The following CPQ variants were observed in gnomAD, a reference collection of about 807,000 sequenced individuals.
The protein encoded by CPQ is Ser-Met dipeptidase.
CPQ carries 37 observed loss-of-function variants against 45.7 expected under a neutral mutation model. That is an observed-to-expected ratio of 0.81 (90% CI 0.62 to 1.07). CPQ has a LOEUF of 1.07. Ranked by LOEUF, CPQ falls within the 50% of genes least tolerant of loss-of-function variation. The pLI, the probability that CPQ is intolerant of heterozygous loss-of-function variation, is 0.00. For synonymous variants in CPQ, 186 were observed against 205.8 expected (o/e 0.90, Z 0.82); for missense variants, 537 against 572.9 (o/e 0.94, Z 0.64).
At chr8:96,835,660 C>G (rs1249646491) in intron 3 of CPQ, among the ~76,000 whole-genome samples, 3 of 152,134 alleles carry the variant, frequency 2.0e-5, no homozygotes, top group Non-Finnish European at 4.4e-5. Flanking sequence ...TGGCTCTGCT[C>G]CCAAACAACT....
chr8:97,090,292 A>G (rs1811107003), intron 7 of CPQ, among the ~76,000 whole-genome samples: 2 of 152,170 alleles, frequency 1.3e-5, no homozygotes, highest in South Asian at 4.1e-4. Flanking sequence ...CATAATTCCA[A>G]TGCTCTGACA....
At chr8:97,141,729 C>G (rs1812168797) in intron 7 of CPQ, among the ~76,000 whole-genome samples, 1 of 152,090 alleles carries the variant, frequency 6.6e-6, no homozygotes, top group Non-Finnish European at 1.5e-5. Flanking sequence ...CCTAAATGAC[C>G]ATTGTTGGTA....
intron 3 of CPQ, among the ~76,000 whole-genome samples, chr8:96,848,113 A>G (rs1034134461): frequency 6.6e-6 from 1 of 152,084 alleles, no homozygotes; most frequent in Admixed American, 6.5e-5. Context: ...AGCTCAGTGA[A>G]TGTCTGTTGC....
chr8:96,808,133 GT>G (rs1352322214), intron 2 of CPQ, among the ~76,000 whole-genome samples: 5 of 152,076 alleles, frequency 3.3e-5, no homozygotes, highest in Non-Finnish European at 2.9e-5. Context: ...ATTCTATTTA[GT>G]TTTTACCAAA....
intron 6 of CPQ, among the ~76,000 whole-genome samples, chr8:97,042,578 A>G (rs1001639689): frequency 6.6e-6 from 1 of 151,112 alleles, no homozygotes; most frequent in African/African-American, 2.4e-5. Flanking sequence ...TTGTGATGTT[A>G]GGGTGTCAAT....
At chr8:96,807,703 A>G (rs1008815019) in intron 2 of CPQ, among the ~76,000 whole-genome samples, 1 of 152,140 alleles carries the variant, frequency 6.6e-6, no homozygotes, top group African/African-American at 2.4e-5. Context: ...TTTTCTTCTA[A>G]AGAAACTTTT....
chr8:96,886,844 A>C (rs182543555), intron 4 of CPQ, among the ~76,000 whole-genome samples: 1 of 152,170 alleles, frequency 6.6e-6, no homozygotes, highest in African/African-American at 2.4e-5. Flanking sequence ...CCTTTCTCTC[A>C]TGCTTTTTCT....
intron 4 of CPQ, among the ~76,000 whole-genome samples, chr8:96,912,716 G>T (rs1364856316): frequency 1.3e-5 from 2 of 152,140 alleles, no homozygotes; most frequent in South Asian, 4.1e-4. Context: ...TACCTCGAAG[G>T]AGTATTAAGA....
chr8:96,675,377 G>T (rs1270045067), intron 1 of CPQ, among the ~76,000 whole-genome samples: 1 of 151,994 alleles, frequency 6.6e-6, no homozygotes, highest in East Asian at 1.9e-4. Flanking sequence ...TGTATGTAGA[G>T]AGCTACTTCT....
chr8:96,694,259 A>T (rs973644304), intron 1 of CPQ, among the ~76,000 whole-genome samples: 1 of 152,088 alleles, frequency 6.6e-6, no homozygotes, highest in Non-Finnish European at 1.5e-5. Context: ...CAGGCATAAG[A>T]CCTTACTTAT....
At chr8:96,698,197 A>T (rs563944979) in intron 1 of CPQ, among the ~76,000 whole-genome samples, 3 of 152,156 alleles carry the variant, frequency 2.0e-5, no homozygotes, top group Non-Finnish European at 4.4e-5. Flanking sequence ...AAATCTATAC[A>T]TCTATGGTGA....
At chr8:96,875,374 G>A (rs1812131669) in intron 3 of CPQ, among the ~76,000 whole-genome samples, 1 of 151,822 alleles carries the variant, frequency 6.6e-6, no homozygotes, top group South Asian at 2.1e-4. Context: ...TGATTTTGGT[G>A]TTGTCTCTAA....
intron 5 of CPQ, among the ~76,000 whole-genome samples, chr8:97,023,972 G>T (rs140351505): frequency 3.2e-4 from 48 of 152,284 alleles, no homozygotes; most frequent in African/African-American, 1.0e-3. Flanking sequence ...GGGTGACAAG[G>T]TTACAACTCT....
chr8:96,726,232 A>G (rs552146953), intron 1 of CPQ, among the ~76,000 whole-genome samples: 59 of 152,084 alleles, frequency 3.9e-4, no homozygotes, highest in African/African-American at 1.4e-3. Context: ...TAAAAGAAGA[A>G]ATTATAGAAA....
intron 2 of CPQ, among the ~76,000 whole-genome samples, chr8:96,824,119 T>C (rs942089799): frequency 4.6e-5 from 7 of 152,040 alleles, no homozygotes; most frequent in Non-Finnish European, 8.8e-5. Context: ...AGATAAAATG[T>C]ATGGATGAAT....
intron 4 of CPQ, among the ~76,000 whole-genome samples, chr8:96,926,333 T>G (rs972621088): frequency 6.6e-6 from 1 of 152,216 alleles, no homozygotes; most frequent in Admixed American, 6.5e-5. Context: ...AGCTTCAAGC[T>G]ATTCTTCCTG....
chr8:97,117,628 G>T (rs1200005452), intron 7 of CPQ, among the ~76,000 whole-genome samples: 3 of 152,040 alleles, frequency 2.0e-5, no homozygotes, highest in African/African-American at 7.2e-5. Flanking sequence ...CACCTCCCAG[G>T]CTCAAGCAAT....
intron 7 of CPQ, among the ~76,000 whole-genome samples, chr8:97,079,852 C>G (rs1810915452): frequency 6.6e-6 from 1 of 152,096 alleles, no homozygotes; most frequent in African/African-American, 2.4e-5. Flanking sequence ...AAAATGATAA[C>G]CAGTCGGGTT....
chr8:96,877,255 A>C (rs1812157671), intron 3 of CPQ, among the ~76,000 whole-genome samples: 1 of 152,220 alleles, frequency 6.6e-6, no homozygotes, highest in Non-Finnish European at 1.5e-5. Context: ...TTGCAGAAAC[A>C]AATTCAAAGG....
Sources: allele counts gnomAD v4.1 joint callset (sites outside exome capture counted in the v4.1 genomes callset), GRCh38; gene constraint gnomAD v4.1.1; transcripts MANE v1.5; gene names NCBI Gene and HGNC (gene_info 2026-07-23, HGNC 2026-07-21).